Variants in RANBP2 observed in about 807,000 individuals in gnomAD.
RANBP2 encodes E3 SUMO-protein ligase RanBP2.
RANBP2 carries 57 observed loss-of-function variants against 303.6 expected under a neutral mutation model. That is an observed-to-expected ratio of 0.19 (90% CI 0.15 to 0.23). The LOEUF (loss-of-function observed/expected upper bound fraction) is 0.23. Among genes scored for constraint, RANBP2 ranks in the 10% least tolerant of loss-of-function variants. RANBP2 has a pLI of 1.00. For missense variants in RANBP2, 3,138 were observed against 3,780.8 expected (o/e 0.83, Z 4.46); for synonymous variants, 1,167 against 1,301.5 (o/e 0.90, Z 2.23).
chr2:109,306,809 A>T, the RANBP2 span, among the ~76,000 whole-genome samples: 1 of 152,202 alleles, frequency 6.6e-6, no homozygotes, highest in African/African-American at 2.4e-5. Context: ...CTGGTTGATT[A>T]CGTATTTCCT....
the RANBP2 span, among the ~76,000 whole-genome samples, chr2:108,806,776 A>G: frequency 6.6e-6 from 1 of 152,248 alleles, no homozygotes; most frequent in Non-Finnish European, 1.5e-5. Context: ...TTACATAGTA[A>G]TTTATGCTAA....
Position 108,763,789 on chromosome 2 carries a change from G to A in RANBP2, c.3250G>A (p.Ala1084Thr). Reference protein sequence around the residue: ...KPLQGDGYSGAKPIPGGQTIG... With the variant: ...KPLQGDGYSGTKPIPGGQTIG... ...CTTGCAAGGAGATGGCTATAGTGGA[G>A]CCAAACCAATTCCTGGTGGTCAAAC... Residue 1084 changes from alanine to threonine, a missense_variant, in exon 20 of 29, where the codon GCC becomes ACC. Ala to Thr is a moderately conservative substitution (Grantham distance 58). Transcript: ENST00000283195. 6.2e-7 allele frequency: 1 copy of A among 1,614,074 alleles called. No individual in the cohort carries two copies. Among genetic ancestry groups the A allele is most frequent in the Non-Finnish European group, 8.5e-7 (1 of 1,179,984 alleles).
chr2:109,663,954 A>G, the RANBP2 span, among the ~76,000 whole-genome samples: 4 of 152,198 alleles, frequency 2.6e-5, no homozygotes, highest in South Asian at 2.1e-4. Flanking sequence ...CAGCACAGTC[A>G]TGGCTTCAGA....
the RANBP2 span, among the ~76,000 whole-genome samples, chr2:109,598,088 G>T: frequency 1.3e-5 from 2 of 152,094 alleles, no homozygotes; most frequent in Non-Finnish European, 2.9e-5. Context: ...TTGAGATGGA[G>T]TCTTGCTCTC....
the RANBP2 span, among the ~76,000 whole-genome samples, chr2:109,762,973 A>G: frequency 7.0e-6 from 1 of 143,684 alleles, no homozygotes; most frequent in Non-Finnish European, 1.5e-5. Flanking sequence ...TCTCAGTTTT[A>G]TGGTTTACGT....
At chr2:109,092,308 A>G in the RANBP2 span, among the ~76,000 whole-genome samples, 1 of 152,066 alleles carries the variant, frequency 6.6e-6, no homozygotes, top group Non-Finnish European at 1.5e-5. Flanking sequence ...CAGAGACCCC[A>G]TTGTGAATTA....
At chr2:108,752,600 C>T (rs1675975871) in intron 12 of RANBP2, among the ~76,000 whole-genome samples, 1 of 136,670 alleles carries the variant, frequency 7.3e-6, no homozygotes, top group Non-Finnish European at 1.5e-5. Context: ...GGTGAAACCC[C>T]GTCTCTACTA....
chr2:109,265,943 C>T, the RANBP2 span, among the ~76,000 whole-genome samples: 1 of 152,164 alleles, frequency 6.6e-6, no homozygotes, highest in African/African-American at 2.4e-5. Context: ...AAATTACCCA[C>T]CGAGCCCTGG....
the RANBP2 span, chr2:109,544,162 T>C: frequency 5.1e-6 from 8 of 1,567,854 alleles, no homozygotes; most frequent in African/African-American, 2.7e-5. Flanking sequence ...TACTTGAAAG[T>C]ACTTTTCCAT....
the RANBP2 span, chr2:108,910,359 C>A: frequency 1.0e-6 from 1 of 960,156 alleles, no homozygotes; most frequent in East Asian, 2.4e-5. Flanking sequence ...CATAGTGTCC[C>A]AGGCTAGCCT....
the RANBP2 span, among the ~76,000 whole-genome samples, chr2:109,404,962 C>G: frequency 6.6e-6 from 1 of 151,944 alleles, no homozygotes; most frequent in Non-Finnish European, 1.5e-5. Flanking sequence ...CCGTCCTGGC[C>G]CCTCCTGCCA....
chr2:108,814,384 A>G, the RANBP2 span, among the ~76,000 whole-genome samples: 3 of 152,258 alleles, frequency 2.0e-5, no homozygotes, highest in Non-Finnish European at 2.9e-5. Flanking sequence ...TTCTTTATAA[A>G]TTGAGAAAAT....
At chr2:108,797,401 A>G in the RANBP2 span, among the ~76,000 whole-genome samples, 1 of 152,206 alleles carries the variant, frequency 6.6e-6, no homozygotes, top group Non-Finnish European at 1.5e-5. Flanking sequence ...AGGACTGAAA[A>G]GTGACCTTTA....
the RANBP2 span, among the ~76,000 whole-genome samples, chr2:109,457,420 G>A: frequency 7.2e-5 from 11 of 152,330 alleles, no homozygotes; most frequent in South Asian, 1.7e-3. Flanking sequence ...TTTTAAAATA[G>A]TAATACACTT....
chr2:109,334,389 A>G, the RANBP2 span, among the ~76,000 whole-genome samples: 1 of 151,690 alleles, frequency 6.6e-6, no homozygotes, highest in Admixed American at 6.6e-5. Context: ...CTTAAAAAAA[A>G]ATAAAGACCA....
chr2:108,875,987 A>G, the RANBP2 span: 7 of 668,894 alleles, frequency 1.0e-5, no homozygotes, highest in South Asian at 3.2e-5. Flanking sequence ...TTAAAAACAG[A>G]TGCCATTTCC....
At chr2:109,541,427 G>T in the RANBP2 span, among the ~76,000 whole-genome samples, 2 of 152,228 alleles carry the variant, frequency 1.3e-5, no homozygotes, top group East Asian at 1.9e-4. Context: ...TGAGTCTATT[G>T]TATCTCTAAA....
At chr2:109,046,529 C>T in the RANBP2 span, among the ~76,000 whole-genome samples, 6 of 151,300 alleles carry the variant, frequency 4.0e-5, no homozygotes, top group Non-Finnish European at 8.8e-5. Context: ...GCCTCAGCCT[C>T]CCAGGTAGCT....
At chr2:109,258,584 T>G in the RANBP2 span, among the ~76,000 whole-genome samples, 1 of 152,154 alleles carries the variant, frequency 6.6e-6, no homozygotes, top group Non-Finnish European at 1.5e-5. Context: ...CAGTCAGTCA[T>G]CCCGCAATTC....
Sources: allele counts gnomAD v4.1 joint callset (sites outside exome capture counted in the v4.1 genomes callset), GRCh38; gene constraint gnomAD v4.1.1; transcripts MANE v1.5; gene names NCBI Gene and HGNC (gene_info 2026-07-23, HGNC 2026-07-21).